The following KCNQ2 variants were observed in gnomAD, a reference collection of about 807,000 sequenced individuals.
KCNQ2 encodes the protein potassium voltage-gated channel subfamily Q member 2.
In KCNQ2, 14 loss-of-function variants were observed where a neutral mutation model predicts 84.8. That is an observed-to-expected ratio of 0.17 (90% CI 0.11 to 0.26). The LOEUF is 0.26. Among genes scored for constraint, KCNQ2 ranks in the 10% least tolerant of loss-of-function variants. KCNQ2 has a pLI of 1.00. For synonymous variants in KCNQ2, 599 were observed against 554.1 expected (o/e 1.08, Z -1.14); for missense variants, 788 against 1,254.0 (o/e 0.63, Z 5.61).
chr20:63,443,311 C>A (rs200277593), intron 4 of KCNQ2, among the ~76,000 whole-genome samples: 2 of 64,862 alleles, frequency 3.1e-5, no homozygotes, highest in African/African-American at 6.8e-5. Flanking sequence ...CCATCACCAT[C>A]ATCACCACCA....
At position 63,407,142 on chromosome 20, in the gene KCNQ2, C is replaced by T. The variant is rs1269199299; in HGVS notation, c.2121G>A (p.Ala707=). The T allele has an allele frequency of 5.1e-6, 8 of 1,570,728 alleles. No homozygotes were observed. Among genetic ancestry groups the T allele is most frequent in the South Asian group, 2.3e-5 (2 of 87,072 alleles). The change falls in exon 17 of 17, where the codon GCG becomes GCA. Residue 707 remains alanine (A), a synonymous_variant. Transcript: ENST00000359125. The surrounding 1 kb of genome is among the most constrained non-coding windows in gnomAD (Gnocchi z 7.2). ...GQKNFSAPPA[A]PPVQCPPSTS... ...TGGAGGGCGGACACTGGACAGGGGGCGCGGCCGGGGGCGCCGAGAAGTTCT... is the reference window on the plus strand; with the variant it reads ...TGGAGGGCGGACACTGGACAGGGGGTGCGGCCGGGGGCGCCGAGAAGTTCT...
chr20:63,403,382 C>T lies in KCNQ2; in HGVS notation c.*3262G>A, dbSNP rs41283012. The T allele has an allele frequency of 0.046, 6,992 of 152,410 alleles. 182 individuals carry two copies. Among genetic ancestry groups the T allele is most frequent in the Non-Finnish European group, 0.054 (3,683 of 68,114 alleles). 9.4% of individuals were successfully genotyped at this position (152,410 alleles called of 1,614,324 possible). ...CAGAAGGGCTCCAAGGCTGGAAGTG[C>T]GAGGAGTGTGCATGCACGCGTGTGT... On this transcript the variant is annotated 3_prime_UTR_variant, in exon 17 of 17. Transcript: ENST00000359125.
At chr20:63,418,204 C>T (rs2080358078) in intron 12 of KCNQ2, among the ~76,000 whole-genome samples, 2 of 152,218 alleles carry the variant, frequency 1.3e-5, no homozygotes, top group Non-Finnish European at 2.9e-5. Flanking sequence ...CAAGCGCACG[C>T]GAAAAGCTGC....
intron 15 of KCNQ2, among the ~76,000 whole-genome samples, chr20:63,409,278 C>CA (rs2080041261): frequency 6.6e-6 from 1 of 152,230 alleles, no homozygotes; most frequent in Admixed American, 6.5e-5. Context: ...CACGCGTGTG[C>CA]ATGTGTTCAT....
intron 8 of KCNQ2, 56 bp from the exon 9 acceptor site, chr20:63,431,425 C>A (rs189389483): frequency 6.3e-7 from 1 of 1,578,982 alleles, no homozygotes; most frequent in African/African-American, 1.4e-5. Flanking sequence ...TCAAAAAGAA[C>A]GGGATAAGAA....
chr20:63,470,712 C>T (rs1303648763), intron 1 of KCNQ2, among the ~76,000 whole-genome samples: 2 of 152,186 alleles, frequency 1.3e-5, no homozygotes, highest in Non-Finnish European at 2.9e-5. Context: ...GGGGAGTCAC[C>T]TTGGGCAGGG....
chr20:63,419,802 C>G, intron 11 of KCNQ2, 130 bp from the exon 12 acceptor site: 1 of 805,312 alleles, frequency 1.2e-6, no homozygotes, highest in Non-Finnish European at 2.1e-6. Context: ...TGCGCCCAAG[C>G]AAGGCCAGCG....
intron 7 of KCNQ2, among the ~76,000 whole-genome samples, chr20:63,436,269 C>A (rs980444245): frequency 6.6e-6 from 1 of 152,214 alleles, no homozygotes; most frequent in Non-Finnish European, 1.5e-5. Flanking sequence ...CAGTGGCTCA[C>A]GCCTGTAATC....
Position 63,446,913 on chromosome 20 carries a change from C to T in KCNQ2, c.297-76G>A, listed in dbSNP as rs1396342967. 3.2e-6 allele frequency: 4 copies of T among 1,266,690 alleles called. No individual in the cohort carries two copies. Among genetic ancestry groups the T allele is most frequent in the Non-Finnish European group, 4.6e-6 (4 of 864,816 alleles). The allele number at this position is 1,266,690 out of a possible 1,614,324, so 78.5% of individuals were successfully genotyped here. A position where few individuals can be genotyped will look rare whatever the true frequency, so the allele number is the denominator to read the frequency against. On this transcript the variant is annotated intron_variant, in intron 1 of 16. Transcript: ENST00000359125. The surrounding 1 kb of genome is among the most constrained non-coding windows in gnomAD (Gnocchi z 5.5). Reference sequence around the variant, plus strand: ...ATGGCTGTGTCTCCAGAACTCAGGACCCCACTCCCCACCAGGCCGCAGCAG... The same window carrying T: ...ATGGCTGTGTCTCCAGAACTCAGGATCCCACTCCCCACCAGGCCGCAGCAG...
chr20:63,446,893 T>C lies in KCNQ2; in HGVS notation c.297-56A>G, dbSNP rs940577464. 6.7e-7 allele frequency: 1 copy of C among 1,491,588 alleles called. No individual in the cohort carries two copies. Among genetic ancestry groups the C allele is most frequent in the Non-Finnish European group, 9.3e-7 (1 of 1,069,620 alleles). 92.4% of individuals were successfully genotyped at this position (1,491,588 alleles called of 1,614,324 possible). A position where few individuals can be genotyped will look rare whatever the true frequency, so the allele number is the denominator to read the frequency against. ...GGCCGCAGCAGGGCAGCAGCATGGC[T>C]GTGTCTCCAGAACTCAGGACCCCAC... On this transcript the variant is annotated intron_variant, in intron 1 of 16. Transcript: ENST00000359125. The surrounding 1 kb of genome is among the most constrained non-coding windows in gnomAD (Gnocchi z 5.5).
chr20:63,445,774 A>G (rs1395072410), intron 2 of KCNQ2, among the ~76,000 whole-genome samples: 5,496 of 95,872 alleles, frequency 0.057, 673 homozygotes, highest in Middle Eastern at 0.083. Flanking sequence ...ACCCTGTCTG[A>G]GCTGGGGGAC....
chr20:63,413,315 G>T, intron 15 of KCNQ2, 135 bp downstream of exon 15: 2 of 963,180 alleles, frequency 2.1e-6, no homozygotes, highest in Non-Finnish European at 3.2e-6. Flanking sequence ...AACAGAAGCT[G>T]ACAGAGGCCG....
At chr20:63,441,596 C>T (rs192579157) in intron 5 of KCNQ2, among the ~76,000 whole-genome samples, 152 of 152,296 alleles carry the variant, frequency 1.0e-3, no homozygotes, top group African/African-American at 3.5e-3. Flanking sequence ...CCAGCAGTCA[C>T]AGCTCAGGAC....
rs1568861472 is a variant in KCNQ2, at chr20:63,407,187, G to A, written c.2076C>T (p.Ser692=). The change falls in exon 17 of 17, where the codon TCC becomes TCT. Residue 692 remains serine, a synonymous_variant. Coordinates refer to ENST00000359125, the MANE Select transcript of KCNQ2 (RefSeq NM_172107.4). The surrounding 1 kb of genome is among the most constrained non-coding windows in gnomAD (Gnocchi z 7.2). ...AGTTCTTCTGGCCCGTGGAGCTGCT[G>A]GAGCGCACGATCTTGACAATGCAGC... ...RHGCIVKIVR[S]SSSTGQKNFS... 3 of 1,605,734 alleles carry A rather than the reference G, an allele frequency of 1.9e-6. No individual in the cohort carries two copies. Among genetic ancestry groups the A allele is most frequent in the Non-Finnish European group, 2.5e-6 (3 of 1,179,100 alleles).
intron 7 of KCNQ2, among the ~76,000 whole-genome samples, chr20:63,436,886 C>A (rs1486236493): frequency 6.6e-6 from 1 of 150,710 alleles, no homozygotes; most frequent in Non-Finnish European, 1.5e-5. Context: ...AAGTGATTCT[C>A]CTGCCTCAGC....
intron 4 of KCNQ2, 23 bp downstream of exon 4, chr20:63,444,636 C>T (rs1294347309): frequency 2.6e-6 from 4 of 1,519,302 alleles, no homozygotes; most frequent in Admixed American, 2.0e-5. Flanking sequence ...GCGCCCACCG[C>T]CAGCCTTGGG....
intron 11 of KCNQ2, among the ~76,000 whole-genome samples, chr20:63,423,340 G>A (rs901246579): frequency 1.3e-5 from 2 of 152,154 alleles, no homozygotes; most frequent in Non-Finnish European, 2.9e-5. Flanking sequence ...CGTCCATCTC[G>A]GACCCCAGGT....
chr20:63,439,284 C>T (rs2145716521), intron 6 of KCNQ2, among the ~76,000 whole-genome samples: 1 of 152,362 alleles, frequency 6.6e-6, no homozygotes. Flanking sequence ...CCGCCCTGCT[C>T]CTGGTCACAA....
At chr20:63,417,818 C>T (rs577491028) in intron 12 of KCNQ2, among the ~76,000 whole-genome samples, 5 of 152,220 alleles carry the variant, frequency 3.3e-5, no homozygotes, top group East Asian at 3.9e-4. Context: ...GCCACAGCCC[C>T]GCCAGCGGCA....
Sources: gnomAD v4.1 joint callset for allele counts (sites outside exome capture counted in the v4.1 genomes callset) on GRCh38, gnomAD v4.1.1 for gene constraint, Gnocchi (gnomAD v3.1) non-coding constraint, MANE v1.5 for transcripts, NCBI Gene and HGNC (gene_info 2026-07-23, HGNC 2026-07-21) for gene names.